Variants in REC114 observed in about 807,000 individuals in gnomAD.
The protein encoded by REC114 is REC114 meiotic recombination protein, also known as meiotic recombination protein REC114.
A neutral mutation model predicts 31.3 loss-of-function variants in REC114; 27 were observed. The ratio of observed to expected loss-of-function variants is 0.86; its 90% CI spans 0.64 to 1.19. REC114 has a LOEUF of 1.19. Ranked by LOEUF, REC114 falls within the 50% of genes most tolerant of loss-of-function variation. REC114 has a pLI of 0.00. For missense variants in REC114, 344 were observed against 326.9 expected (o/e 1.05, Z -0.40); for synonymous variants, 134 against 127.7 (o/e 1.05, Z -0.33).
chr15:73,559,726 T>G (rs1401382433), intron 5 of REC114, 26 bp from the exon 6 acceptor site: 12 of 1,520,126 alleles, frequency 7.9e-6, no homozygotes, highest in Non-Finnish European at 1.1e-5. Context: ...CTGTAATCTG[T>G]AACGACTTTT....
At chr15:73,521,596 C>G (rs1216092190) in intron 2 of REC114, among the ~76,000 whole-genome samples, 1 of 151,966 alleles carries the variant, frequency 6.6e-6, no homozygotes, top group South Asian at 2.1e-4. Flanking sequence ...CTTACAAAGA[C>G]TAATTTCTTG....
At chr15:73,518,771 A>G (rs1893897133) in intron 2 of REC114, among the ~76,000 whole-genome samples, 1 of 152,252 alleles carries the variant, frequency 6.6e-6, no homozygotes, top group Admixed American at 6.5e-5. Flanking sequence ...ATACATTTGA[A>G]TAACTGCTTC....
chr15:73,521,210 A>G (rs554219951), intron 2 of REC114, among the ~76,000 whole-genome samples: 1 of 152,314 alleles, frequency 6.6e-6, no homozygotes, highest in Non-Finnish European at 1.5e-5. Flanking sequence ...TAGCAAATAG[A>G]AGAGCAGAGA....
intron 2 of REC114, among the ~76,000 whole-genome samples, chr15:73,500,351 G>GC (rs1491389596): frequency 1.6e-3 from 52 of 31,836 alleles, no homozygotes; most frequent in Middle Eastern, 0.021. Context: ...CACAGAAATA[G>GC]CAAAAAAAAA....
At chr15:73,479,868 G>A (rs1408194507) in intron 2 of REC114, among the ~76,000 whole-genome samples, 1 of 151,962 alleles carries the variant, frequency 6.6e-6, no homozygotes. Flanking sequence ...TCTGTATCTC[G>A]ACTATTGTTA....
intron 3 of REC114, among the ~76,000 whole-genome samples, chr15:73,547,587 C>T (rs1157210705): frequency 1.3e-5 from 2 of 152,288 alleles, no homozygotes; most frequent in African/African-American, 4.8e-5. Context: ...AGGATATCTG[C>T]ACCCCCATGT....
At chr15:73,467,615 T>TG (rs1893079552) in intron 1 of REC114, among the ~76,000 whole-genome samples, 1 of 152,258 alleles carries the variant, frequency 6.6e-6, no homozygotes, top group Admixed American at 6.5e-5. Flanking sequence ...GATACTTTGC[T>TG]ATTGTTAACT....
intron 3 of REC114, among the ~76,000 whole-genome samples, chr15:73,546,614 TA>T (rs1894312024): frequency 6.6e-6 from 1 of 152,078 alleles, no homozygotes; most frequent in Non-Finnish European, 1.5e-5. Flanking sequence ...ATATAACCTA[TA>T]AAAATATATT....
intron 1 of REC114, among the ~76,000 whole-genome samples, chr15:73,457,378 G>C (rs1892931397): frequency 6.6e-6 from 1 of 152,124 alleles, no homozygotes. Context: ...CTGAAGCAGA[G>C]GAGGAGGTTC....
At chr15:73,460,103 TA>T (rs1892970094) in intron 1 of REC114, among the ~76,000 whole-genome samples, 1 of 152,214 alleles carries the variant, frequency 6.6e-6, no homozygotes, top group Non-Finnish European at 1.5e-5. Context: ...CATTAGTTTA[TA>T]AATGTTTCCA....
intron 2 of REC114, among the ~76,000 whole-genome samples, chr15:73,531,276 G>GT (rs1191972676): frequency 6.6e-6 from 1 of 152,120 alleles, no homozygotes; most frequent in East Asian, 1.9e-4. Flanking sequence ...GGCACAGGTA[G>GT]TTTTTCCCAC....
chr15:73,468,454 C>T (rs754632049), intron 1 of REC114, among the ~76,000 whole-genome samples: 3 of 152,108 alleles, frequency 2.0e-5, no homozygotes, highest in Non-Finnish European at 4.4e-5. Context: ...CTAAAATTCA[C>T]TTATTCTAGT....
Position 73,554,169 on chromosome 15 carries a change from G to T in REC114, c.547-2133G>T, listed in dbSNP as rs144536417. 2.1e-3 allele frequency among the ~76,000 whole-genome samples: 319 copies of T among 152,354 alleles called. 2 individuals carry two copies. The highest frequency in any genetic ancestry group is 7.3e-3 in the African/African-American group (304 of 41,590). ...AGGGCATGATAAGACAGTGTCTGAA[G>T]CTGCAGAGCAGATGATAAGTTAAAG... is the stretch of plus-strand genomic sequence containing the variant. On this transcript the variant is annotated intron_variant, in intron 4 of 5. Coordinates refer to ENST00000331090, the MANE Select transcript of REC114 (RefSeq NM_001042367.2).
At chr15:73,489,373 T>G (rs2141301691) in intron 2 of REC114, among the ~76,000 whole-genome samples, 1 of 151,886 alleles carries the variant, frequency 6.6e-6, no homozygotes, top group Middle Eastern at 3.4e-3. Flanking sequence ...CCAGATAATT[T>G]TTGTATTTTT....
intron 1 of REC114, among the ~76,000 whole-genome samples, chr15:73,445,245 TCTC>T: frequency 6.6e-6 from 1 of 152,310 alleles, no homozygotes; most frequent in East Asian, 1.9e-4. Flanking sequence ...GGCATTGACT[TCTC>T]CTCTTTAGCT....
chr15:73,516,587 T>G (rs577201475), intron 2 of REC114, among the ~76,000 whole-genome samples: 11 of 152,252 alleles, frequency 7.2e-5, no homozygotes, highest in African/African-American at 2.6e-4. Context: ...CTCCATGCTA[T>G]GAAGTAAGAC....
At chr15:73,537,469 G>A (rs1894171691) in intron 2 of REC114, among the ~76,000 whole-genome samples, 1 of 150,730 alleles carries the variant, frequency 6.6e-6, no homozygotes, top group Non-Finnish European at 1.5e-5. Context: ...TTGAGTTCAT[G>A]CCATATTGTA....
chr15:73,544,518 G>A (rs1894282839), intron 3 of REC114, among the ~76,000 whole-genome samples: 1 of 152,080 alleles, frequency 6.6e-6, no homozygotes, highest in African/African-American at 2.4e-5. Flanking sequence ...CTACTTATAA[G>A]GTAGGCTTCC....
intron 2 of REC114, among the ~76,000 whole-genome samples, chr15:73,503,448 G>A (rs1464884489): frequency 6.6e-6 from 1 of 151,910 alleles, no homozygotes; most frequent in Non-Finnish European, 1.5e-5. Flanking sequence ...AATATTTACA[G>A]GAAAAAAAAG....
Sources: allele counts gnomAD v4.1 joint callset (sites outside exome capture counted in the v4.1 genomes callset), GRCh38; gene constraint gnomAD v4.1.1; transcripts MANE v1.5; gene names NCBI Gene and HGNC (gene_info 2026-07-23, HGNC 2026-07-21).